The following ZNF608 variants were observed in gnomAD, a reference collection of about 807,000 sequenced individuals.
ZNF608 encodes the protein renal carcinoma antigen NY-REN-36.
A neutral mutation model predicts 109.0 loss-of-function variants in ZNF608; 12 were observed. The ratio of observed to expected loss-of-function variants is 0.11; its 90% CI spans 0.07 to 0.18. The LOEUF (loss-of-function observed/expected upper bound fraction) is 0.18. Among genes scored for constraint, ZNF608 ranks in the 10% least tolerant of loss-of-function variants. The pLI is 1.00. For synonymous variants in ZNF608, 732 were observed against 717.4 expected, an observed-to-expected ratio of 1.02 and a Z score of -0.33; for missense variants, 1,707 against 1,879.3, an observed-to-expected ratio of 0.91 and a Z score of 1.70.
intron 3 of ZNF608, among the ~76,000 whole-genome samples, chr5:124,673,521 A>T (rs760182952): frequency 6.6e-6 from 1 of 152,248 alleles, no homozygotes; most frequent in Admixed American, 6.5e-5. Context: ...TGCTAGGCAC[A>T]TAATAGAATT....
intron 2 of ZNF608, among the ~76,000 whole-genome samples, chr5:124,737,166 C>T (rs1749191717): frequency 6.6e-6 from 1 of 152,230 alleles, no homozygotes; most frequent in Non-Finnish European, 1.5e-5. Context: ...ACCTAAATAT[C>T]TGCTTTCTGA....
intron 2 of ZNF608, chr5:124,734,757 C>T (rs187235171): frequency 2.6e-5 from 4 of 152,236 alleles, no homozygotes; most frequent in Non-Finnish European, 4.4e-5. Flanking sequence ...AGAATTTAAA[C>T]GTGTGGAACA....
chr5:124,744,810 G>A lies in ZNF608; in HGVS notation c.180C>T (p.Ser60=), dbSNP rs767927269. 1.2e-6 allele frequency: 2 copies of A among 1,614,204 alleles called. No homozygotes were observed. Among genetic ancestry groups the A allele is most frequent in the Non-Finnish European group, 1.7e-6 (2 of 1,180,016 alleles). The change falls in exon 2 of 10, where the codon AGC becomes AGT. Residue 60 remains serine, a synonymous_variant. Coordinates refer to ENST00000513986, the MANE Select transcript of ZNF608 (RefSeq NM_020747.3). The surrounding 1 kb of genome is among the most constrained non-coding windows in gnomAD (Gnocchi z 4.5). ...MNNSTTTTSS[S]NSKDCGGPAS... ...CCGGACCTCCACAATCCTTGGAGTT[G>A]CTGCTACTAGTGGTGGTGGTGGAAT... is the stretch of plus-strand genomic sequence containing the variant.
At chr5:124,688,604 C>T (rs1752488676) in intron 3 of ZNF608, among the ~76,000 whole-genome samples, 1 of 152,212 alleles carries the variant, frequency 6.6e-6, no homozygotes, top group Admixed American at 6.5e-5. Flanking sequence ...TGTTTGTATA[C>T]TTCAACTCAG....
At chr5:124,720,412 A>G (rs4541655) in intron 2 of ZNF608, among the ~76,000 whole-genome samples, 26,570 of 152,142 alleles carry the variant, frequency 0.17, 2,639 homozygotes, top group Admixed American at 0.27. Flanking sequence ...TCTGGCAAAA[A>G]TTGTGAATGG....
chr5:124,725,858 C>G (rs1434558755), intron 2 of ZNF608, among the ~76,000 whole-genome samples: 2 of 152,060 alleles, frequency 1.3e-5, no homozygotes, highest in African/African-American at 2.4e-5. Context: ...CTCATCATTC[C>G]CATCAGCATA....
chr5:124,639,313 G>A, intron 8 of ZNF608, 99 bp from the exon 9 acceptor site: 1 of 950,262 alleles, frequency 1.1e-6, no homozygotes, highest in Non-Finnish European at 1.7e-6. Flanking sequence ...GCAGCATGGT[G>A]TCCTCTCCTA....
chr5:124,638,882 A>ATAAC, intron 9 of ZNF608: 1 of 1,004,208 alleles, frequency 1.0e-6, no homozygotes, highest in Admixed American at 3.6e-5. Context: ...TGCCGTAAGG[A>ATAAC]TAACCCAAGA....
chr5:124,646,056 T>C (rs993979553), intron 5 of ZNF608, among the ~76,000 whole-genome samples: 1 of 152,134 alleles, frequency 6.6e-6, no homozygotes, highest in African/African-American at 2.4e-5. Flanking sequence ...AGCCCTCGCC[T>C]TGGACTAAGA....
At chr5:124,679,955 T>G (rs1561555171) in intron 3 of ZNF608, among the ~76,000 whole-genome samples, 1 of 152,214 alleles carries the variant, frequency 6.6e-6, no homozygotes, top group Non-Finnish European at 1.5e-5. Context: ...AAAACCAGCT[T>G]GGCGAACAGC....
intron 2 of ZNF608, among the ~76,000 whole-genome samples, chr5:124,704,406 C>A (rs1273376195): frequency 1.3e-5 from 2 of 152,094 alleles, no homozygotes; most frequent in African/African-American, 4.8e-5. Flanking sequence ...AGTTTCTCCC[C>A]ATTCACTGTG....
rs1438678321 is a variant in ZNF608, at chr5:124,701,236, G to T, written c.940C>A (p.Pro314Thr). ...GGCGTGAGACTGCTGGAAATCGGCG[G>T]TGGTGGCGCTGGCACTGTAAACAGG... ...DPLFTVPAPP[P>T]PISSSLTPQI... Residue 314 changes from proline (P) to threonine (T), a missense_variant, in exon 3 of 10, where the codon CCG becomes ACG. Pro to Thr is a conservative substitution (Grantham distance 38, BLOSUM62 -1). Coordinates refer to ENST00000513986, the MANE Select transcript of ZNF608 (RefSeq NM_020747.3). 1 of 1,614,164 alleles carries T rather than the reference G, an allele frequency of 6.2e-7. No individual in the cohort carries two copies. The highest frequency in any genetic ancestry group is 8.5e-7 in the Non-Finnish European group (1 of 1,180,012).
At chr5:124,704,366 G>A (rs1020587902) in intron 2 of ZNF608, among the ~76,000 whole-genome samples, 4 of 152,128 alleles carry the variant, frequency 2.6e-5, no homozygotes, top group African/African-American at 9.7e-5. Context: ...CACTACCAGT[G>A]AGAGGAGAAC....
In ZNF608 at chr5:124,648,095, C is replaced by A; in HGVS notation, c.2289G>T (p.Gly763=). The A allele has an allele frequency of 6.2e-7, 1 of 1,614,068 alleles. No individual in the cohort carries two copies. The highest frequency in any genetic ancestry group is 8.5e-7 in the Non-Finnish European group (1 of 1,180,000). ...PTATFTTTTT[G]TIPGLPSLTT... ...TGAGGGAGGGCAGTCCGGGTATTGTCCCAGTGGTGGTCGTTGTAAAGGTTG... is the reference window on the plus strand; with the variant it reads ...TGAGGGAGGGCAGTCCGGGTATTGTACCAGTGGTGGTCGTTGTAAAGGTTG... Residue 763 remains glycine, a synonymous_variant, in exon 5 of 10, where the codon GGG becomes GGT. Coordinates refer to ENST00000513986, the MANE Select transcript of ZNF608 (RefSeq NM_020747.3).
At chr5:124,716,752 A>G (rs1753720618) in intron 2 of ZNF608, among the ~76,000 whole-genome samples, 1 of 152,202 alleles carries the variant, frequency 6.6e-6, no homozygotes, top group Non-Finnish European at 1.5e-5. Context: ...CCCACTCCCA[A>G]TCTTGGTCAC....
chr5:124,653,981 A>T (rs1750902433), intron 3 of ZNF608, among the ~76,000 whole-genome samples: 1 of 151,130 alleles, frequency 6.6e-6, no homozygotes, highest in Non-Finnish European at 1.5e-5. Flanking sequence ...TTTCACCAGC[A>T]CTCCCCCAGG....
intron 2 of ZNF608, among the ~76,000 whole-genome samples, chr5:124,730,299 T>G (rs1748832912): frequency 6.6e-6 from 1 of 152,216 alleles, no homozygotes; most frequent in Non-Finnish European, 1.5e-5. Context: ...GAGTTTACTT[T>G]AAGTGTCAAA....
intron 2 of ZNF608, among the ~76,000 whole-genome samples, chr5:124,702,529 A>G (rs754781733): frequency 1.3e-5 from 2 of 152,030 alleles, no homozygotes; most frequent in Non-Finnish European, 2.9e-5. Context: ...AAACAAAACA[A>G]AAAGAGTGTA....
rs915893054 is a variant in ZNF608, at chr5:124,648,779, T to C, written c.1605A>G (p.Gln535=). 9 of 1,614,102 alleles carry C rather than the reference T, an allele frequency of 5.6e-6. No individual in the cohort carries two copies. The highest frequency in any genetic ancestry group is 1.3e-5 in the African/African-American group (1 of 74,940). Residue 535 remains glutamine, a synonymous_variant, in exon 5 of 10, where the codon CAA becomes CAG. Transcript: ENST00000513986. ...TNSRSTPTTP[Q]GKPETTFLDQ... ...CCAAAAAAGTAGTCTCTGGTTTCCC[T>C]TGAGGGGTAGTGGGAGTGCTTCTGG...
Sources: gnomAD v4.1 joint callset for allele counts (sites outside exome capture counted in the v4.1 genomes callset) on GRCh38, gnomAD v4.1.1 for gene constraint, Gnocchi (gnomAD v3.1) non-coding constraint, MANE v1.5 for transcripts, NCBI Gene and HGNC (gene_info 2026-07-23, HGNC 2026-07-21) for gene names.